MALRD1: variants seen among roughly 807,000 people sequenced by gnomAD.
MALRD1 encodes the protein MAM and LDL receptor class A domain containing 1.
Under a neutral mutation model 242.1 loss-of-function variants are expected in MALRD1, and 247 were observed. That is an observed-to-expected ratio of 1.02 (90% CI 0.92 to 1.13). MALRD1 has a LOEUF of 1.13. Ranked by LOEUF, MALRD1 falls within the 50% of genes most tolerant of loss-of-function variation. MALRD1 has a pLI of 0.00. For missense variants in MALRD1, 2,989 were observed against 2,533.1 expected, an observed-to-expected ratio of 1.18 and a Z score of -3.86; for synonymous variants, 995 against 866.6, an observed-to-expected ratio of 1.15 and a Z score of -2.60.
At chr10:19,611,576 GCT>G (rs1838898335) in intron 35 of MALRD1, among the ~76,000 whole-genome samples, 2 of 151,876 alleles carry the variant, frequency 1.3e-5, no homozygotes, top group Admixed American at 6.6e-5. Context: ...CATTGCTGTG[GCT>G]AAAGATTGGG....
chr10:19,326,628 G>C (rs1843146254), intron 22 of MALRD1, among the ~76,000 whole-genome samples: 1 of 151,578 alleles, frequency 6.6e-6, no homozygotes, highest in Admixed American at 6.6e-5. Context: ...GAATTTTATA[G>C]ACTGATCATT....
intron 36 of MALRD1, among the ~76,000 whole-genome samples, chr10:19,651,554 A>AAAAC (rs899098849): frequency 1.3e-5 from 2 of 152,202 alleles, no homozygotes; most frequent in African/African-American, 2.4e-5. Context: ...TCCCTCATAC[A>AAAAC]AAACAAACAA....
chr10:19,235,108 A>C (rs1007506225), intron 18 of MALRD1, among the ~76,000 whole-genome samples: 1 of 152,168 alleles, frequency 6.6e-6, no homozygotes, highest in African/African-American at 2.4e-5. Context: ...GAATTAGTGC[A>C]TTGACCTGCA....
chr10:19,227,878 A>T (rs11009019), intron 18 of MALRD1, among the ~76,000 whole-genome samples: 5 of 151,968 alleles, frequency 3.3e-5, no homozygotes, highest in Non-Finnish European at 5.9e-5. Flanking sequence ...TTGACATTAC[A>T]TGTCATCAGG....
chr10:19,551,524 A>C (rs1589230531), intron 32 of MALRD1, among the ~76,000 whole-genome samples: 1 of 152,110 alleles, frequency 6.6e-6, no homozygotes, highest in Non-Finnish European at 1.5e-5. Context: ...GGGGTTTTCT[A>C]GATATAGGAT....
At chr10:19,719,418 C>A (rs75907286) in intron 38 of MALRD1, among the ~76,000 whole-genome samples, 1,583 of 151,432 alleles carry the variant, frequency 0.01, 34 homozygotes, top group African/African-American at 0.035. Context: ...AAACCTGGGT[C>A]AGTTTTATTC....
chr10:19,231,910 T>A lies in MALRD1; in HGVS notation c.2991+22230T>A, dbSNP rs557727320. On this transcript the variant is annotated intron_variant, in intron 18 of 39. Transcript: ENST00000454679. ...AGACTTAAAACAAAATAATTAAGCA[T>A]GGCTAATATTTATTTAATATTTTAT... Among the ~76,000 whole-genome samples the A allele has an allele frequency of 1.2e-4, 18 of 152,212 alleles. No homozygotes were observed. The East Asian group carries it at 3.5e-3, about 29-fold the overall frequency.
intron 24 of MALRD1, among the ~76,000 whole-genome samples, chr10:19,346,953 C>G (rs899808358): frequency 1.3e-5 from 2 of 152,028 alleles, no homozygotes; most frequent in African/African-American, 2.4e-5. Flanking sequence ...CCCAGCCTCC[C>G]TCATTGGTTT....
At chr10:19,533,558 T>G (rs756111046) in intron 32 of MALRD1, among the ~76,000 whole-genome samples, 1 of 152,182 alleles carries the variant, frequency 6.6e-6, no homozygotes, top group Non-Finnish European at 1.5e-5. Context: ...AGCATGGCAC[T>G]GGGCATCTGC....
chr10:19,324,764 C>A (rs1314437337), intron 22 of MALRD1, among the ~76,000 whole-genome samples: 4 of 151,776 alleles, frequency 2.6e-5, no homozygotes, highest in African/African-American at 9.7e-5. Context: ...ATTTTAAAAG[C>A]CCATAGCCAA....
intron 29 of MALRD1, among the ~76,000 whole-genome samples, chr10:19,470,599 T>C (rs1390431681): frequency 6.6e-6 from 1 of 151,916 alleles, no homozygotes; most frequent in African/African-American, 2.4e-5. Flanking sequence ...TCTCCCCTTT[T>C]ATTTTTCAAA....
chr10:19,431,062 A>G (rs1485635802), intron 28 of MALRD1, among the ~76,000 whole-genome samples: 4 of 152,160 alleles, frequency 2.6e-5, no homozygotes, highest in Non-Finnish European at 4.4e-5. Context: ...TGTTACATAG[A>G]TAAATGTGTG....
chr10:19,432,887 A>C (rs532644994), intron 28 of MALRD1, among the ~76,000 whole-genome samples: 2 of 152,358 alleles, frequency 1.3e-5, no homozygotes, highest in African/African-American at 2.4e-5. Flanking sequence ...CAAAGAGGAA[A>C]CTGAATAACT....
intron 18 of MALRD1, among the ~76,000 whole-genome samples, chr10:19,237,160 T>G: frequency 6.6e-6 from 1 of 151,930 alleles, no homozygotes; most frequent in East Asian, 1.9e-4. Context: ...TCCTTTCTTC[T>G]AGACACTTTG....
chr10:19,732,043 G>C (rs1002671086), intron 39 of MALRD1, among the ~76,000 whole-genome samples: 3 of 151,968 alleles, frequency 2.0e-5, no homozygotes, highest in Non-Finnish European at 4.4e-5. Flanking sequence ...GTTTTGGTAG[G>C]AATGAAAACG....
intron 28 of MALRD1, among the ~76,000 whole-genome samples, chr10:19,424,743 A>C (rs1014021718): frequency 5.3e-5 from 8 of 152,268 alleles, no homozygotes; most frequent in African/African-American, 1.4e-4. Flanking sequence ...TTTCTTTAAA[A>C]ATCACATTTG....
intron 34 of MALRD1, among the ~76,000 whole-genome samples, chr10:19,605,414 C>T (rs184243773): frequency 2.0e-4 from 30 of 151,432 alleles, no homozygotes; most frequent in African/African-American, 7.2e-5. Context: ...GTGATCTGCC[C>T]ACCTCGGCAT....
At chr10:19,056,222 G>C (rs562887350) in intron 1 of MALRD1, among the ~76,000 whole-genome samples, 14 of 151,882 alleles carry the variant, frequency 9.2e-5, no homozygotes, top group African/African-American at 3.4e-4. Context: ...TTCTATTTCT[G>C]TGAAAATTAC....
chr10:19,503,875 A>G (rs929930166), intron 31 of MALRD1, among the ~76,000 whole-genome samples: 2 of 148,838 alleles, frequency 1.3e-5, no homozygotes, highest in Admixed American at 6.6e-5. Context: ...AGTGCTTACT[A>G]AATACCATTC....
Sources: allele counts gnomAD v4.1 joint callset (sites outside exome capture counted in the v4.1 genomes callset), GRCh38; gene constraint gnomAD v4.1.1; transcripts MANE v1.5; gene names NCBI Gene and HGNC (gene_info 2026-07-23, HGNC 2026-07-21).